The following ZNF536 variants were observed in gnomAD, a reference collection of about 807,000 sequenced individuals.
The protein encoded by ZNF536 is zinc finger protein 536.
In ZNF536, 13 loss-of-function variants were observed where a neutral mutation model predicts 84.5. The observed-to-expected ratio is 0.15, with a 90% CI of 0.10 to 0.24. The LOEUF (loss-of-function observed/expected upper bound fraction) is 0.24, where lower values mean the gene tolerates loss of function less well. Among genes scored for constraint, ZNF536 ranks in the 10% least tolerant of loss-of-function variants. ZNF536 has a pLI of 1.00. For synonymous variants in ZNF536, 811 were observed against 742.5 expected (o/e 1.09, Z -1.50); for missense variants, 1,536 against 1,747.5 (o/e 0.88, Z 2.16).
At chr19:30,518,877 G>A (rs1356856643) in intron 2 of ZNF536, among the ~76,000 whole-genome samples, 1 of 152,138 alleles carries the variant, frequency 6.6e-6, no homozygotes, top group Non-Finnish European at 1.5e-5. Context: ...GGGGTGCAGG[G>A]ATGGGGGAGC....
intron 2 of ZNF536, chr19:30,300,722 C>G (rs1382723485): frequency 6.6e-6 from 1 of 152,160 alleles, no homozygotes; most frequent in Non-Finnish European, 1.5e-5. Context: ...AGGGCAGAGC[C>G]CAGAGCAGCT....
chr19:30,596,643 T>C lies in ZNF536; in HGVS notation c.169+47129T>C, dbSNP rs182318575. On this transcript the variant is annotated intron_variant, in intron 1 of 1. Coordinates refer to the ZNF536 transcript ENST00000592773. Reference sequence around the variant, plus strand: ...GTTTTGCTGAAATTAACTGAAGTAATTATCTATTTTTCTAAAGCTGCAAAA... The same window carrying C: ...GTTTTGCTGAAATTAACTGAAGTAACTATCTATTTTTCTAAAGCTGCAAAA... 1.1e-3 allele frequency among the ~76,000 whole-genome samples: 161 copies of C among 152,250 alleles called. 2 individuals are homozygous for C. In the Middle Eastern group the frequency reaches 0.02, roughly 19 times the overall value.
rs35858645 is a variant in ZNF536 at position 30,478,155 on chromosome 19, G to GTT, written c.2170+32439_2170+32440dup. 9.3e-4 allele frequency among the ~76,000 whole-genome samples: 125 copies of GTT among 134,800 alleles called. 1 individual carries two copies. The highest frequency in any genetic ancestry group is 2.4e-3 in the East Asian group (11 of 4,586). 88.4% of individuals were successfully genotyped at this position (134,800 alleles called of 152,430 possible). A position where few individuals can be genotyped will look rare whatever the true frequency, so the allele number is the denominator to read the frequency against. ...AGATGGTTCATGGATAATCCTTGGT[G>GTT]TTTTTTTTTTTTTTTTTCCAGGATA... On this transcript the variant is annotated intron_variant, in intron 2 of 4. Coordinates refer to ENST00000355537, the MANE Select transcript of ZNF536 (RefSeq NM_014717.3).
At chr19:30,641,050 G>A (rs1340343881) in intron 1 of ZNF536, among the ~76,000 whole-genome samples, 1 of 152,178 alleles carries the variant, frequency 6.6e-6, no homozygotes, top group African/African-American at 2.4e-5. Flanking sequence ...TGGATCAGCA[G>A]CTAAGGCCTT....
intron 1 of ZNF536, among the ~76,000 whole-genome samples, chr19:30,616,293 A>G (rs1371900044): frequency 6.6e-6 from 1 of 152,220 alleles, no homozygotes; most frequent in Non-Finnish European, 1.5e-5. Context: ...AGCATCGAGC[A>G]TCTGGTTGTA....
rs938330138 is a variant in ZNF536 at position 30,463,900 on chromosome 19, C to T, written c.2170+18168C>T. 2.6e-5 allele frequency among the ~76,000 whole-genome samples: 4 copies of T among 152,010 alleles called. No homozygotes were observed. The East Asian group carries it at 5.8e-4, about 22-fold the overall frequency. On this transcript the variant is annotated intron_variant, in intron 2 of 4. Transcript: ENST00000355537. ...GTGTTCTGTTTGCTGTCAGCATCCT[C>T]GGGACCCCCTCTCAGGGACAGTGGT...
chr19:30,693,659 C>T (rs941411350), intron 1 of ZNF536, among the ~76,000 whole-genome samples: 6 of 152,166 alleles, frequency 3.9e-5, no homozygotes, highest in Non-Finnish European at 7.4e-5. Flanking sequence ...ACATTAGTGG[C>T]GCTCCAGGAT....
intron 2 of ZNF536, among the ~76,000 whole-genome samples, chr19:30,326,807 T>TTTTTTTTG (rs1600232605): frequency 2.2e-5 from 3 of 134,274 alleles, no homozygotes; most frequent in East Asian, 4.6e-4. Context: ...TTTTTTTTTT[T>TTTTTTTTG]TTTTTTTTTT....
intron 1 of ZNF536, among the ~76,000 whole-genome samples, chr19:30,377,282 G>A (rs146228508): frequency 0.015 from 2,244 of 152,132 alleles, 15 homozygotes; most frequent in Non-Finnish European, 0.024. Flanking sequence ...TGTGGGCCGC[G>A]CTCACAGAAC....
At chr19:30,668,935 A>G (rs1388333214) in intron 1 of ZNF536, among the ~76,000 whole-genome samples, 1 of 152,212 alleles carries the variant, frequency 6.6e-6, no homozygotes, top group Admixed American at 6.5e-5. Flanking sequence ...CCAGAGGTTT[A>G]GAAGGGCCAG....
chr19:30,594,473 G>A (rs1335369995), intron 1 of ZNF536, among the ~76,000 whole-genome samples: 1 of 152,104 alleles, frequency 6.6e-6, no homozygotes, highest in East Asian at 1.9e-4. Context: ...CCTGCCTGCC[G>A]CCTTTCTCCC....
chr19:30,241,494 G>C (rs886864497), intron 1 of ZNF536, among the ~76,000 whole-genome samples: 2 of 152,196 alleles, frequency 1.3e-5, no homozygotes, highest in African/African-American at 4.8e-5. Context: ...TCTGCGCCTG[G>C]ACTTGGCGGT....
chr19:30,453,705 G>A (rs915732724), intron 2 of ZNF536, among the ~76,000 whole-genome samples: 3 of 152,232 alleles, frequency 2.0e-5, no homozygotes, highest in Non-Finnish European at 4.4e-5. Flanking sequence ...AACAATGCGT[G>A]TCTGAACAAA....
intron 1 of ZNF536, among the ~76,000 whole-genome samples, chr19:30,706,174 T>C (rs2052217734): frequency 6.6e-6 from 1 of 152,204 alleles, no homozygotes; most frequent in African/African-American, 2.4e-5. Context: ...TACTCAGTAA[T>C]GTGACAATCG....
intron 1 of ZNF536, among the ~76,000 whole-genome samples, chr19:30,269,339 G>T (rs2025693837): frequency 6.6e-6 from 1 of 152,174 alleles, no homozygotes; most frequent in Non-Finnish European, 1.5e-5. Context: ...AGTGGTCACT[G>T]GGCTGGTGCT....
intron 1 of ZNF536, among the ~76,000 whole-genome samples, chr19:30,593,498 A>G (rs1441940254): frequency 1.3e-5 from 2 of 152,204 alleles, no homozygotes; most frequent in Non-Finnish European, 1.5e-5. Flanking sequence ...CTTATGAATG[A>G]CTTCTACTTT....
At chr19:30,265,888 C>CTTTTCT (rs1555778249) in intron 1 of ZNF536, among the ~76,000 whole-genome samples, 114 of 149,584 alleles carry the variant, frequency 7.6e-4, no homozygotes, top group Admixed American at 2.3e-3. Context: ...TTTCTCTTTT[C>CTTTTCT]TTTTTTTTTT....
chr19:30,334,979 A>G (rs942374529), intron 2 of ZNF536, among the ~76,000 whole-genome samples: 3 of 152,088 alleles, frequency 2.0e-5, no homozygotes, highest in African/African-American at 7.2e-5. Flanking sequence ...ATGCTCGCTC[A>G]CTCTCTGCTC....
At chr19:30,359,766 C>G (rs965284673) in intron 3 of ZNF536, among the ~76,000 whole-genome samples, 2 of 152,178 alleles carry the variant, frequency 1.3e-5, no homozygotes, top group African/African-American at 4.8e-5. Flanking sequence ...TCTGCCCTCA[C>G]GTGTAGCTGA....
Sources: allele counts gnomAD v4.1 joint callset (sites outside exome capture counted in the v4.1 genomes callset), GRCh38; gene constraint gnomAD v4.1.1; transcripts MANE v1.5; gene names NCBI Gene and HGNC (gene_info 2026-07-23, HGNC 2026-07-21).